The following MGAT4B variants were observed in gnomAD, a reference collection of about 807,000 sequenced individuals.
MGAT4B encodes the protein alpha-1,3-mannosyl-glycoprotein 4-beta-N-acetylglucosaminyltransferase B.
A neutral mutation model predicts 73.9 loss-of-function variants in MGAT4B; 38 were observed. The ratio of observed to expected loss-of-function variants is 0.51; its 90% CI spans 0.40 to 0.67. The LOEUF (loss-of-function observed/expected upper bound fraction) is 0.67. Ranked by LOEUF, MGAT4B falls within the 30% of genes least tolerant of loss-of-function variation. The pLI is 0.00. For missense variants in MGAT4B, 686 were observed against 735.2 expected, an observed-to-expected ratio of 0.93 and a Z score of 0.77; for synonymous variants, 373 against 313.5, an observed-to-expected ratio of 1.19 and a Z score of -2.01.
Position 179,800,037 on chromosome 5 carries a change from T to C in MGAT4B, c.827A>G (p.Tyr276Cys). 2 of 1,613,980 alleles carry C rather than the reference T, an allele frequency of 1.2e-6. No individual in the cohort carries two copies. The highest frequency in any genetic ancestry group is 1.7e-6 in the Non-Finnish European group (2 of 1,180,000). Residue 276 changes from tyrosine (Y) to cysteine (C), a missense_variant, in exon 8 of 15, where the codon TAC (tyrosine) becomes TGC (cysteine). Around this residue, in one of 2 missense-constraint regions of MGAT4B, gnomAD observed 449 missense variants for 536.8 expected, o/e 0.84. Transcript: ENST00000292591. ...LEDDIVAKPN[Y>C]LSTMKNFALQ... Reference sequence around the variant, plus strand: ...TGCAAAGTTCTTCATGGTGCTCAGGTAGTTGGGCTTGGCCACGATGTCATC... The same window carrying C: ...TGCAAAGTTCTTCATGGTGCTCAGGCAGTTGGGCTTGGCCACGATGTCATC...
Position 179,799,320 on chromosome 5 carries a change from G to T in MGAT4B, c.1042-10C>A. 1 of 1,613,158 alleles carries T rather than the reference G, an allele frequency of 6.2e-7. No individual in the cohort carries two copies. The highest frequency in any genetic ancestry group is 8.5e-7 in the Non-Finnish European group (1 of 1,179,728). The stretch of plus-strand genomic sequence containing the variant: ...GCCGGTCACAGTGCTTCTGTGGAGG[G>T]TGGGCAACACCCCAGGGCTCGGCTT... On this transcript the variant is annotated splice_polypyrimidine_tract_variant and intron_variant, in intron 9 of 14. Coordinates refer to ENST00000292591, the MANE Select transcript of MGAT4B (RefSeq NM_014275.5).
intron 1 of MGAT4B, chr5:179,802,472 G>C: frequency 9.6e-7 from 1 of 1,036,840 alleles, no homozygotes; most frequent in Non-Finnish European, 1.2e-6. Context: ...CCCGGGGGGT[G>C]GCTGCTGCAG....
chr5:179,799,956 A>G lies in MGAT4B; in HGVS notation c.908T>C (p.Ile303Thr). 6.2e-7 allele frequency: 1 copy of G among 1,612,286 alleles called. No homozygotes were observed. Among genetic ancestry groups the G allele is most frequent in the Non-Finnish European group, 8.5e-7 (1 of 1,178,506 alleles). ...GTCAGGTAAGGGGAGGGGCACACCA[A>G]TGAAGCCCAGCTGGGAGAACTCCAG... ...MILEFSQLGF[I>T]GKMFKSLDLS... The change falls in exon 8 of 15, where the codon ATT (isoleucine) becomes ACT (threonine). Residue 303 changes from isoleucine to threonine, a missense_variant and splice_region_variant. Ile to Thr is a moderately conservative substitution (Grantham distance 89). This residue lies in a region of MGAT4B where 449 missense variants were observed against 536.8 expected (regional missense o/e 0.84). Coordinates refer to ENST00000292591, the MANE Select transcript of MGAT4B (RefSeq NM_014275.5).
chr5:179,806,516 G>C lies in MGAT4B; in HGVS notation c.68C>G (p.Ser23Cys). 4.5e-6 allele frequency: 6 copies of C among 1,338,480 alleles called. No individual in the cohort carries two copies. The highest frequency in any genetic ancestry group is 5.9e-6 in the Non-Finnish European group (6 of 1,019,566). 82.9% of individuals were successfully genotyped at this position (1,338,480 alleles called of 1,614,324 possible). ...LFCLCAFLSL[S>C]WYAALSGQKG... ...CTGGCCGCTGAGTGCCGCGTACCAG[G>C]ACAGCGAGAGGAAGGCGCACAGGCA... is the stretch of plus-strand genomic sequence containing the variant. The change falls in exon 1 of 15, where the codon TCC becomes TGC. Residue 23 changes from serine to cysteine, a missense_variant. By Grantham distance (112) the Ser-to-Cys change is moderately radical (BLOSUM62 -1). Transcript: ENST00000292591. This position sits in a 1 kb window ranked among gnomAD's most constrained non-coding sequence, Gnocchi z 4.6.
In MGAT4B at chr5:179,801,024, G is replaced by A. The variant is rs1166411375; in HGVS notation, c.559-71C>T. Reference sequence around the variant, plus strand: ...AAAGGCCTGGAAGGGCTTGGAGAAGGGGCACAGGCTTCAGATGCCCCCCAC... The same window carrying A: ...AAAGGCCTGGAAGGGCTTGGAGAAGAGGCACAGGCTTCAGATGCCCCCCAC... On this transcript the variant is annotated intron_variant, in intron 4 of 14. Transcript: ENST00000292591. This position sits in a 1 kb window ranked among gnomAD's most constrained non-coding sequence, Gnocchi z 4.8. 2 of 1,563,278 alleles carry A rather than the reference G, an allele frequency of 1.3e-6. No individual in the cohort carries two copies. The highest frequency in any genetic ancestry group is 1.7e-4 in the Middle Eastern group (1 of 5,912).
At chr5:179,798,620 G>C in intron 11 of MGAT4B, 29 bp from the exon 12 acceptor site, 1 of 1,610,542 alleles carries the variant, frequency 6.2e-7, no homozygotes, top group Non-Finnish European at 8.5e-7. Context: ...GTGAGCTGCT[G>C]CAGGGGCAGC....
rs1756848768 is a variant in MGAT4B at position 179,800,201 on chromosome 5, C to T, written c.778G>A (p.Gly260Ser). ...CFLMMYAQSK[G>S]IYYVQLEDDI... ...GGGCTGACCTGCACGTAGTAGATGCCTTTGGACTGCGCGTACATCATGAGG... is the reference window on the plus strand; with the variant it reads ...GGGCTGACCTGCACGTAGTAGATGCTTTTGGACTGCGCGTACATCATGAGG... Residue 260 changes from glycine (G) to serine (S), a missense_variant, in exon 7 of 15, where the codon GGC (glycine) becomes AGC (serine). Transcript: ENST00000292591. 6.2e-7 allele frequency: 1 copy of T among 1,613,578 alleles called. No homozygotes were observed. The highest frequency in any genetic ancestry group is 8.5e-7 in the Non-Finnish European group (1 of 1,180,018).
rs1757138761 is a variant in MGAT4B, at chr5:179,806,024, C to T, written c.97+463G>A. Among the ~76,000 whole-genome samples, 1 of 146,830 alleles carries T rather than the reference C, an allele frequency of 6.8e-6. No homozygotes were observed. The highest frequency in any genetic ancestry group is 1.5e-5 in the Non-Finnish European group (1 of 66,072). Reference sequence around the variant, plus strand: ...TCCCACAGGCCGGATGCTGCCGACGCGTTCTGGGCGCCGAAGGGAGTCCCA... The same window carrying T: ...TCCCACAGGCCGGATGCTGCCGACGTGTTCTGGGCGCCGAAGGGAGTCCCA... On this transcript the variant is annotated intron_variant, in intron 1 of 14. Transcript: ENST00000292591. This position sits in a 1 kb window ranked among gnomAD's most constrained non-coding sequence, Gnocchi z 4.6.
intron 1 of MGAT4B, among the ~76,000 whole-genome samples, chr5:179,804,270 A>G (rs535473500): frequency 6.6e-6 from 1 of 152,346 alleles, no homozygotes; most frequent in Non-Finnish European, 1.5e-5. Context: ...AGGCCCGTTA[A>G]CGGTCTGCTG....
At chr5:179,802,020 C>G in intron 1 of MGAT4B, 51 bp from the exon 2 acceptor site, 1 of 1,612,788 alleles carries the variant, frequency 6.2e-7, no homozygotes, top group Non-Finnish European at 8.5e-7. Flanking sequence ...AGCCACCCTA[C>G]GGGCCCCTCC....
At chr5:179,800,312 G>T (rs1238484251) in intron 6 of MGAT4B, 53 bp from the exon 7 acceptor site, 5 of 1,598,554 alleles carry the variant, frequency 3.1e-6, no homozygotes, top group Non-Finnish European at 4.3e-6. Context: ...CTCCATTGTG[G>T]CTCCGCAGAG....
In MGAT4B at chr5:179,797,615, T is replaced by A. The variant is rs1239486258; in HGVS notation, c.*430A>T. The A allele has an allele frequency of 1.2e-5, 2 of 161,426 alleles. No individual in the cohort carries two copies. Among genetic ancestry groups the A allele is most frequent in the African/African-American group, 4.8e-5 (2 of 41,572 alleles). The allele number at this position is 161,426 out of a possible 1,614,324, so 10.0% of individuals were successfully genotyped here. On this transcript the variant is annotated 3_prime_UTR_variant, in exon 15 of 15. Transcript: ENST00000292591. The stretch of plus-strand genomic sequence containing the variant: ...GCTCACATTTGAGGCACACACTTCA[T>A]TAACCCTTTATTACAAGTCACGCTC...
In MGAT4B at chr5:179,798,553, T is replaced by C. The variant is rs1375520583; in HGVS notation, c.1382A>G (p.Asp461Gly). The change falls in exon 12 of 15, where the codon GAC (aspartate) becomes GGC (glycine). Residue 461 changes from aspartate to glycine, a missense_variant. Asp to Gly is a moderately conservative substitution (Grantham distance 94). Around this residue, in one of 2 missense-constraint regions of MGAT4B, gnomAD observed 449 missense variants for 536.8 expected, o/e 0.84. Transcript: ENST00000292591. The part of the protein sequence containing the change: ...FRSGNIEHPE[D>G]KLFNTSVEVL... The stretch of plus-strand genomic sequence containing the variant: ...CTCCACAGACGTGTTGAAGAGCTTG[T>C]CCTCCGGGTGCTCGATGTTCCCACT... 6.2e-7 allele frequency: 1 copy of C among 1,613,512 alleles called. No individual in the cohort carries two copies. The highest frequency in any genetic ancestry group is 1.3e-5 in the African/African-American group (1 of 75,036).
intron 5 of MGAT4B, 66 bp downstream of exon 5, chr5:179,800,841 C>T: frequency 3.8e-6 from 6 of 1,558,832 alleles, no homozygotes; most frequent in African/African-American, 1.4e-5. Flanking sequence ...GAGGCAGGAA[C>T]CTGCCAGCAC....
chr5:179,798,588 G>A lies in MGAT4B; in HGVS notation c.1347C>T (p.Phe449=), dbSNP rs1342944016. The change falls in exon 12 of 15, where the codon TTC becomes TTT. Residue 449 remains phenylalanine (F), a synonymous_variant. Coordinates refer to ENST00000292591, the MANE Select transcript of MGAT4B (RefSeq NM_014275.5). ...RFFQPLRLER[F]FFRSGNIEHP... is the part of the protein sequence containing the mutation. The stretch of plus-strand genomic sequence containing the variant: ...GCTCGATGTTCCCACTGCGGAAGAA[G>A]AACCTGCAGCCAGGCAGGCCTGTGA... The A allele has an allele frequency of 1.2e-6, 2 of 1,613,278 alleles. No homozygotes were observed. Among genetic ancestry groups the A allele is most frequent in the East Asian group, 4.5e-5 (2 of 44,904 alleles).
Position 179,798,935 on chromosome 5 carries a change from G to A in MGAT4B, c.1336C>T (p.Leu446=), listed in dbSNP as rs780258686. 10 of 1,613,426 alleles carry A rather than the reference G, an allele frequency of 6.2e-6. No homozygotes were observed. The African/African-American group carries it at 6.7e-5, about 11-fold the overall frequency. Residue 446 remains leucine, a synonymous_variant, in exon 11 of 15, where the codon CTG becomes TTG. Transcript: ENST00000292591. ...IRFRFFQPLR[L]ERFFFRSGNI... ...CATGGTGCTGGCACTGACCGCTCCA[G>A]TCTTAGAGGTTGGAAGAAGCGGAAG... is the stretch of plus-strand genomic sequence containing the variant.
In MGAT4B at chr5:179,806,462, C is replaced by A; in HGVS notation, c.97+25G>T. 8.1e-7 allele frequency: 1 copy of A among 1,240,824 alleles called. No individual in the cohort carries two copies. The highest frequency in any genetic ancestry group is 1.9e-5 in the South Asian group (1 of 52,840). The allele number at this position is 1,240,824 out of a possible 1,614,324, so 76.9% of individuals were successfully genotyped here. On this transcript the variant is annotated intron_variant, in intron 1 of 14. Transcript: ENST00000292591. The surrounding 1 kb of genome is among the most constrained non-coding windows in gnomAD (Gnocchi z 4.6). ...CGCCGACGCCCAGGTGCGCCAGGTG[C>A]GGGCCGGGCGGGGGTCGCGCTCACC...
rs1756909401 is a variant in MGAT4B at position 179,801,204 on chromosome 5, C to T, written c.558+130G>A. ...AGAAAGCCCTTTCAACTTTCTATCT[C>T]GGAGCATTTGCGAATGAAACTAGCA... On this transcript the variant is annotated intron_variant, in intron 4 of 14. Transcript: ENST00000292591. This position sits in a 1 kb window ranked among gnomAD's most constrained non-coding sequence, Gnocchi z 4.8. 9 of 1,356,130 alleles carry T rather than the reference C, an allele frequency of 6.6e-6. No individual in the cohort carries two copies. Among genetic ancestry groups the T allele is most frequent in the African/African-American group, 1.5e-5 (1 of 68,688 alleles). The allele number at this position is 1,356,130 out of a possible 1,614,324, so 84.0% of individuals were successfully genotyped here. A position where few individuals can be genotyped will look rare whatever the true frequency, so the allele number is the denominator to read the frequency against.
rs1449730553 is a variant in MGAT4B at position 179,800,574 on chromosome 5, C to T, written c.629G>A (p.Gly210Glu). ...GGAGGGTGAGATGACCTCCAGGAGC[C>T]CAGAATGGATCTCCGTGGGGAACCT... is the stretch of plus-strand genomic sequence containing the variant. ...KALFPTEIHSGLLEVISPSPH... is the reference protein window; with the variant it reads ...KALFPTEIHSELLEVISPSPH... The change falls in exon 6 of 15, where the codon GGG (glycine) becomes GAG (glutamate). Residue 210 changes from glycine to glutamate, a missense_variant. By Grantham distance (98) the Gly-to-Glu change is moderately conservative. Around this residue, in one of 2 missense-constraint regions of MGAT4B, gnomAD observed 449 missense variants for 536.8 expected, o/e 0.84. Coordinates refer to ENST00000292591, the MANE Select transcript of MGAT4B (RefSeq NM_014275.5). 6.2e-7 allele frequency: 1 copy of T among 1,611,204 alleles called. No homozygotes were observed.
Sources: gnomAD v4.1 joint callset for allele counts (sites outside exome capture counted in the v4.1 genomes callset) on GRCh38, gnomAD v4.1.1 for gene constraint, gnomAD v4.1.1 regional missense constraint, Gnocchi (gnomAD v3.1) non-coding constraint, MANE v1.5 for transcripts, NCBI Gene and HGNC (gene_info 2026-07-23, HGNC 2026-07-21) for gene names.